CAD: variants seen among roughly 807,000 people sequenced by gnomAD.
The protein encoded by CAD is multifunctional protein CAD.
In CAD, 81 loss-of-function variants were observed where a neutral mutation model predicts 237.2. That is an observed-to-expected ratio of 0.34 (90% CI 0.29 to 0.41). The LOEUF is 0.41. Among genes scored for constraint, CAD ranks in the 10% least tolerant of loss-of-function variants. The pLI is 1.00. For missense variants in CAD, 2,181 were observed against 2,951.7 expected (o/e 0.74, Z 6.05); for synonymous variants, 1,196 against 1,162.8 (o/e 1.03, Z -0.58).
At position 27,232,583 on chromosome 2, in the gene CAD, C is replaced by T. The variant is rs374000836; in HGVS notation, c.2781C>T (p.Asp927=). ...LYLTYWGTTH[D]LTFRTPHVLV... ...TAACGTATTGGGGCACCACCCATGA[C>T]CTCACCTTTCGAACACCTCATGTCC... Residue 927 remains aspartate (D), a synonymous_variant, in exon 18 of 44, where the codon GAC becomes GAT. Coordinates refer to ENST00000264705, the MANE Select transcript of CAD (RefSeq NM_004341.5). The surrounding 1 kb of genome is among the most constrained non-coding windows in gnomAD (Gnocchi z 4.1). The T allele has an allele frequency of 3.7e-6, 6 of 1,614,242 alleles. No individual in the cohort carries two copies. The highest frequency in any genetic ancestry group is 1.6e-4 in the Middle Eastern group (1 of 6,062).
At position 27,226,235 on chromosome 2, in the gene CAD, G is replaced by C. The variant is rs1234222382; in HGVS notation, c.1947G>C (p.Arg649Ser). ...TLNDREYQLL[R>S]QTAIKVTQHL... ...ATGACAGGGAGTATCAGCTCCTGAG[G>C]CAGACAGCTATCAAGGTGACCCAGC... Residue 649 changes from arginine to serine, a missense_variant, in exon 13 of 44, where the codon AGG (arginine) becomes AGC (serine). Physicochemically the swap from Arg to Ser is moderately radical, Grantham distance 110 (BLOSUM62 -1). Coordinates refer to ENST00000264705, the MANE Select transcript of CAD (RefSeq NM_004341.5). 5.0e-6 allele frequency: 8 copies of C among 1,614,034 alleles called. No homozygotes were observed. The highest frequency in any genetic ancestry group is 5.9e-6 in the Non-Finnish European group (7 of 1,179,966).
At chr2:27,235,000 C>G (rs890433912) in intron 23 of CAD, among the ~76,000 whole-genome samples, 4 of 152,072 alleles carry the variant, frequency 2.6e-5, no homozygotes, top group African/African-American at 9.7e-5. Flanking sequence ...AAGGCTTGAG[C>G]GAAGGGGTGC....
chr2:27,240,424 C>T lies in CAD; in HGVS notation c.5593+63C>T, dbSNP rs1264200415. 2.6e-6 allele frequency: 4 copies of T among 1,524,512 alleles called. No homozygotes were observed. In the African/African-American group the frequency reaches 4.1e-5, roughly 16 times the overall value. The allele number at this position is 1,524,512 out of a possible 1,614,324, so 94.4% of individuals were successfully genotyped here. On this transcript the variant is annotated intron_variant, in intron 35 of 43. Coordinates refer to ENST00000264705, the MANE Select transcript of CAD (RefSeq NM_004341.5). This position sits in a 1 kb window ranked among gnomAD's most constrained non-coding sequence, Gnocchi z 4.6. ...GGACAGGATCCACTTCTTCCCAGTG[C>T]CTCGCCTTTCTCTACTTACATGTCC...
At chr2:27,219,477 G>T (rs1675045237) in intron 2 of CAD, among the ~76,000 whole-genome samples, 1 of 151,972 alleles carries the variant, frequency 6.6e-6, no homozygotes, top group Non-Finnish European at 1.5e-5. Flanking sequence ...CAAGTAGCTG[G>T]GACTACAGGC....
In CAD at chr2:27,217,623, CG is replaced by C; in HGVS notation, c.76del (p.Glu26LysfsTer25). ...CCTTTGGGGCCGCCGTGTCGACTGC[CG>C]GGGAAGTGGGTAAGCAAGCCCGGTT... Reference protein sequence around the residue: ...QPFGAAVSTAGEVVFQTGMVG... With the variant: ...QPFGAAVSTAXEVVFQTGMVG... On this transcript the variant is annotated frameshift_variant, in exon 1 of 44. Transcript: ENST00000264705. LOFTEE classifies it high-confidence loss of function. 1 of 1,606,892 alleles carries C rather than the reference CG, an allele frequency of 6.2e-7. No homozygotes were observed. The highest frequency in any genetic ancestry group is 8.5e-7 in the Non-Finnish European group (1 of 1,177,012).
At chr2:27,224,987 G>GT (rs748979465) in intron 10 of CAD, 23 bp from the exon 11 acceptor site, 8 of 1,606,832 alleles carry the variant, frequency 5.0e-6, no homozygotes, top group Non-Finnish European at 6.8e-6. Context: ...TCTGATGCCT[G>GT]TAACTCCCCT....
At position 27,222,912 on chromosome 2, in the gene CAD, C is replaced by G. The variant is rs561378746; in HGVS notation, c.684C>G (p.Ser228=). The change falls in exon 6 of 44, where the codon TCC becomes TCG. Residue 228 remains serine, a synonymous_variant. Coordinates refer to ENST00000264705, the MANE Select transcript of CAD (RefSeq NM_004341.5). ...FLSNGPGDPA[S]YPSVVSTLSR... ...GTAATGGGCCTGGTGACCCTGCCTC[C>G]TATCCCAGTGTCGTATCCACACTGA... The G allele has an allele frequency of 1.9e-6, 3 of 1,614,198 alleles. No individual in the cohort carries two copies. In the South Asian group the frequency reaches 3.3e-5, roughly 18 times the overall value.
At chr2:27,228,973 C>T (rs1333011958) in intron 15 of CAD, among the ~76,000 whole-genome samples, 2 of 140,418 alleles carry the variant, frequency 1.4e-5, no homozygotes, top group African/African-American at 5.4e-5. Flanking sequence ...GGCTGGAGTG[C>T]AGTGGTGCTA....
In CAD at chr2:27,225,190, G is replaced by A; in HGVS notation, c.1567G>A (p.Ala523Thr). The change falls in exon 11 of 44, where the codon GCA becomes ACA. Residue 523 changes from alanine (A) to threonine (T), a missense_variant. By Grantham distance (58) the Ala-to-Thr change is moderately conservative. Coordinates refer to ENST00000264705, the MANE Select transcript of CAD (RefSeq NM_004341.5). ...TCGACGGGCCTTTGCTGCCAGAATG[G>A]CAGAGATCGGAGAGCATGTGGCCCC... ...EDRRAFAARM[A>T]EIGEHVAPSE... 1 of 1,614,152 alleles carries A rather than the reference G, an allele frequency of 6.2e-7. No individual in the cohort carries two copies. Among genetic ancestry groups the A allele is most frequent in the Middle Eastern group, 1.6e-4 (1 of 6,062 alleles).
chr2:27,243,445 C>G lies in CAD; in HGVS notation c.6605C>G (p.Ala2202Gly). ...GAAGTGGACTCGGATCCCCGCGCAG[C>G]CTACTTCCGCCAGGCTGAGAACGGC... ...SVEVDSDPRAAYFRQAENGMY... is the reference protein window; with the variant it reads ...SVEVDSDPRAGYFRQAENGMY... Residue 2202 changes from alanine (A) to glycine (G), a missense_variant, in exon 44 of 44, where the codon GCC (alanine) becomes GGC (glycine). By Grantham distance (60) the Ala-to-Gly change is moderately conservative. Around this residue, in one of 12 missense-constraint regions of CAD, gnomAD observed 170 missense variants for 212.1 expected, o/e 0.80. Transcript: ENST00000264705. 6.2e-7 allele frequency: 1 copy of G among 1,608,420 alleles called. No homozygotes were observed. Among genetic ancestry groups the G allele is most frequent in the South Asian group, 1.1e-5 (1 of 90,238 alleles).
At position 27,243,431 on chromosome 2, in the gene CAD, G is replaced by A. The variant is rs370501350; in HGVS notation, c.6591G>A (p.Ser2197=). 2.9e-5 allele frequency: 46 copies of A among 1,596,516 alleles called. No homozygotes were observed. Among genetic ancestry groups the A allele is most frequent in the African/African-American group, 4.2e-5 (3 of 72,110 alleles). The change falls in exon 44 of 44, where the codon TCG becomes TCA. Residue 2197 remains serine (S), a synonymous_variant. Coordinates refer to ENST00000264705, the MANE Select transcript of CAD (RefSeq NM_004341.5). The stretch of plus-strand genomic sequence containing the variant: ...TTTTTTGCAGCGTGGAAGTGGACTC[G>A]GATCCCCGCGCAGCCTACTTCCGCC... ...RVNEISVEVD[S]DPRAAYFRQA... is the part of the protein sequence containing the mutation.
chr2:27,238,618 T>G lies in CAD; in HGVS notation c.5048T>G (p.Phe1683Cys). Residue 1683 changes from phenylalanine (F) to cysteine (C), a missense_variant, in exon 31 of 44, where the codon TTT (phenylalanine) becomes TGT (cysteine). By Grantham distance (205) the Phe-to-Cys change is radical. This residue lies in a region of CAD where 478 missense variants were observed against 515.0 expected (regional missense o/e 0.93). Transcript: ENST00000264705. ...LWENMAVIDC[F>C]ASDHAPHTLE... ...GAGAACATGGCTGTCATCGACTGCT[T>G]TGCCTCAGACCATGGTGAGAGAATC... 1 of 1,611,918 alleles carries G rather than the reference T, an allele frequency of 6.2e-7. No homozygotes were observed. Among genetic ancestry groups the G allele is most frequent in the South Asian group, 1.1e-5 (1 of 90,664 alleles).
intron 1 of CAD, 85 bp from the exon 2 acceptor site, chr2:27,217,792 G>T: frequency 6.7e-7 from 1 of 1,494,202 alleles, no homozygotes; most frequent in Admixed American, 2.1e-5. Flanking sequence ...CGCGACCAAG[G>T]CAGCCTCCAC....
At position 27,232,095 on chromosome 2, in the gene CAD, G is replaced by A. The variant is rs774685998; in HGVS notation, c.2516G>A (p.Arg839Gln). The A allele has an allele frequency of 1.1e-5, 17 of 1,614,106 alleles. No individual in the cohort carries two copies. Among genetic ancestry groups the A allele is most frequent in the African/African-American group, 4.0e-5 (3 of 74,930 alleles). ...LTRIDRWFLH[R>Q]MKRIIAHAQL... is the part of the protein sequence containing the mutation. ...CGCATCGACCGCTGGTTCCTGCACCGAATGAAGCGTATCATCGCACATGCC... is the reference window on the plus strand; with the variant it reads ...CGCATCGACCGCTGGTTCCTGCACCAAATGAAGCGTATCATCGCACATGCC... The change falls in exon 17 of 44, where the codon CGA (arginine) becomes CAA (glutamine). Residue 839 changes from arginine (R) to glutamine (Q), a missense_variant. Arg to Gln is a conservative substitution (Grantham distance 43). Around this residue, in one of 12 missense-constraint regions of CAD, gnomAD observed 385 missense variants for 535.1 expected, o/e 0.72. Transcript: ENST00000264705. The surrounding 1 kb of genome is among the most constrained non-coding windows in gnomAD (Gnocchi z 4.1).
At position 27,242,902 on chromosome 2, in the gene CAD, C is replaced by T. The variant is rs770464539; in HGVS notation, c.6409C>T (p.Pro2137Ser). ...ATTCGAGAGCATTGAGGAGGCGCTGCCTGACACTGATGTGCTCTACATGAC... is the reference window on the plus strand; with the variant it reads ...ATTCGAGAGCATTGAGGAGGCGCTGTCTGACACTGATGTGCTCTACATGAC... ...EEFESIEEAL[P>S]DTDVLYMTRI... Residue 2137 changes from proline to serine, a missense_variant, in exon 42 of 44, where the codon CCT (proline) becomes TCT (serine). By Grantham distance (74) the Pro-to-Ser change is moderately conservative (BLOSUM62 -1). Around this residue, in one of 12 missense-constraint regions of CAD, gnomAD observed 170 missense variants for 212.1 expected, o/e 0.80. Coordinates refer to ENST00000264705, the MANE Select transcript of CAD (RefSeq NM_004341.5). The surrounding 1 kb of genome is among the most constrained non-coding windows in gnomAD (Gnocchi z 6.4). 1.2e-6 allele frequency: 2 copies of T among 1,614,052 alleles called. No individual in the cohort carries two copies. Among genetic ancestry groups the T allele is most frequent in the East Asian group, 4.5e-5 (2 of 44,864 alleles).
chr2:27,234,284 C>A, intron 22 of CAD, 58 bp downstream of exon 22: 2 of 1,489,444 alleles, frequency 1.3e-6, no homozygotes, highest in Non-Finnish European at 1.9e-6. Context: ...TCTGTGCTGG[C>A]CACAGTGCCA....
chr2:27,220,803 A>C (rs1414632607), intron 2 of CAD, among the ~76,000 whole-genome samples: 1 of 151,986 alleles, frequency 6.6e-6, no homozygotes. Context: ...CTAAAAATAC[A>C]AAAAATTAGC....
Position 27,224,396 on chromosome 2 carries a change from G to T in CAD, c.1160G>T (p.Gly387Val). The T allele has an allele frequency of 6.2e-7, 1 of 1,614,198 alleles. No individual in the cohort carries two copies. The highest frequency in any genetic ancestry group is 1.1e-5 in the South Asian group (1 of 91,086). The change falls in exon 9 of 44, where the codon GGC becomes GTC. Residue 387 changes from glycine to valine, a missense_variant. Gly to Val is a moderately radical substitution (Grantham distance 109). Around this residue, in one of 12 missense-constraint regions of CAD, gnomAD observed 129 missense variants for 143.3 expected, o/e 0.90. Transcript: ENST00000264705. ...TGTCCCCCTGGGATTCCCACTCCCG[G>T]CTCTGGACTTCCACCACCACGAAAG... ...RLCPPGIPTP[G>V]SGLPPPRKVL...
At position 27,238,161 on chromosome 2, in the gene CAD, A is replaced by G. The variant is rs774378666; in HGVS notation, c.4834A>G (p.Ile1612Val). The G allele has an allele frequency of 3.7e-6, 6 of 1,614,016 alleles. No individual in the cohort carries two copies. The highest frequency in any genetic ancestry group is 5.1e-6 in the Non-Finnish European group (6 of 1,180,034). ...VAQLTQRSVHICHVARKEEIL... is the reference protein window; with the variant it reads ...VAQLTQRSVHVCHVARKEEIL... ...TCAGCTCACTCAGCGCTCAGTGCAC[A>G]TATGTCACGTGGCACGGAAGGAGGA... Residue 1612 changes from isoleucine (I) to valine (V), a missense_variant, in exon 30 of 44, where the codon ATA (isoleucine) becomes GTA (valine). By Grantham distance (29) the Ile-to-Val change is conservative. Around this residue, in one of 12 missense-constraint regions of CAD, gnomAD observed 478 missense variants for 515.0 expected, o/e 0.93. Coordinates refer to ENST00000264705, the MANE Select transcript of CAD (RefSeq NM_004341.5).
Sources: allele counts gnomAD v4.1 joint callset (sites outside exome capture counted in the v4.1 genomes callset), GRCh38; gene constraint gnomAD v4.1.1; regional missense constraint gnomAD v4.1.1; non-coding constraint Gnocchi (gnomAD v3.1); transcripts MANE v1.5; gene names NCBI Gene and HGNC (gene_info 2026-07-23, HGNC 2026-07-21).